Variants in DOK7 observed in about 807,000 individuals in gnomAD.
DOK7 encodes protein Dok-7.
DOK7 carries 32 observed loss-of-function variants against 30.7 expected under a neutral mutation model. The ratio of observed to expected loss-of-function variants is 1.04; its 90% confidence interval spans 0.79 to 1.40. The LOEUF (loss-of-function observed/expected upper bound fraction) is 1.40, where lower values mean the gene tolerates loss of function less well. Among genes scored for constraint, DOK7 ranks in the 40% most tolerant of loss-of-function variants. DOK7 has a pLI of 0.00. For missense variants in DOK7, 1,007 were observed against 699.2 expected (o/e 1.44, Z -4.97); for synonymous variants, 447 against 324.1 (o/e 1.38, Z -4.07).
Position 3,493,414 on chromosome 4 carries a change from A to G in DOK7, c.1428A>G (p.Glu476=). ...LPGPAPGEPW[E]AGGPHAGPPP... is the part of the protein sequence containing the mutation. The stretch of plus-strand genomic sequence containing the variant: ...GCCCTGCCCCTGGCGAGCCCTGGGA[A>G]GCAGGCGGCCCCCACGCGGGGCCAC... Residue 476 remains glutamate (E), a synonymous_variant, in exon 7 of 7, where the codon GAA becomes GAG. Coordinates refer to ENST00000340083, the MANE Select transcript of DOK7 (RefSeq NM_173660.5). 1 of 1,598,976 alleles carries G rather than the reference A, an allele frequency of 6.3e-7. No individual in the cohort carries two copies. Among genetic ancestry groups the G allele is most frequent in the Non-Finnish European group, 8.5e-7 (1 of 1,173,118 alleles).
At chr4:3,495,104 C>G (rs1440980722), downstream of DOK7, among the ~76,000 whole-genome samples, 1 of 152,180 alleles carries the variant, frequency 6.6e-6, no homozygotes, top group Admixed American at 6.5e-5. Context: ...CCTACAAGCC[C>G]CGCCCCTCTC....
intron 3 of DOK7, among the ~76,000 whole-genome samples, chr4:3,475,320 G>C (rs976838200): frequency 6.6e-6 from 1 of 152,280 alleles, no homozygotes; most frequent in African/African-American, 2.4e-5. Context: ...CATCTTGATA[G>C]AACGTGGCCT....
chr4:3,471,254 T>C (rs747885627), intron 2 of DOK7, among the ~76,000 whole-genome samples: 1 of 152,236 alleles, frequency 6.6e-6, no homozygotes, highest in Non-Finnish European at 1.5e-5. Flanking sequence ...TTCCTGCAGA[T>C]GGTCCTTACG....
chr4:3,469,110 GTA>G lies in DOK7; in HGVS notation c.101-4294_101-4293del, dbSNP rs555852827. On this transcript the variant is annotated intron_variant, in intron 2 of 6. Coordinates refer to ENST00000340083, the MANE Select transcript of DOK7 (RefSeq NM_173660.5). ...TGTGTGTGCCTGTGTGTGCGTGCAT[GTA>G]TGTGTGCACACATTGTGTGTGTGCG... 5.5e-4 allele frequency among the ~76,000 whole-genome samples: 79 copies of G among 143,526 alleles called. 2 individuals are homozygous for G. In the East Asian group the frequency reaches 6.0e-3, roughly 11 times the overall value. The allele number at this position is 143,526 out of a possible 152,430, so 94.2% of individuals were successfully genotyped here. A position where few individuals can be genotyped will look rare whatever the true frequency, so the allele number is the denominator to read the frequency against.
chr4:3,499,435 C>A (rs527678271), downstream of DOK7, among the ~76,000 whole-genome samples: 2 of 152,190 alleles, frequency 1.3e-5, no homozygotes, highest in Non-Finnish European at 2.9e-5. Context: ...CACTGGAGAA[C>A]GGGGTCCTTC....
intron 4 of DOK7, among the ~76,000 whole-genome samples, chr4:3,479,721 C>T (rs781485133): frequency 1.3e-5 from 2 of 152,156 alleles, no homozygotes; most frequent in South Asian, 4.1e-4. Context: ...TGGTGGGGGT[C>T]GGGTGGAGAC....
In DOK7 at chr4:3,473,645, C is replaced by CG. The variant is rs1560210244; in HGVS notation, c.331+14dup. The stretch of plus-strand genomic sequence containing the variant: ...CTATGCGCTCGGCGAGGGTGAGTGA[C>CG]GGGGGCCGGGGCCGGGCGGGGGCTC... On this transcript the variant is annotated intron_variant, in intron 3 of 6. Coordinates refer to ENST00000340083, the MANE Select transcript of DOK7 (RefSeq NM_173660.5). 1 of 1,541,634 alleles carries CG rather than the reference C, an allele frequency of 6.5e-7. No homozygotes were observed. The highest frequency in any genetic ancestry group is 1.9e-5 in the Admixed American group (1 of 51,856).
At chr4:3,468,692 G>A (rs1287539067) in intron 2 of DOK7, among the ~76,000 whole-genome samples, 4 of 142,682 alleles carry the variant, frequency 2.8e-5, no homozygotes, top group Non-Finnish European at 6.1e-5. Flanking sequence ...GTGTGTGCAT[G>A]TATGTCTGTG....
chr4:3,483,729 C>A (rs1265745136), intron 4 of DOK7, among the ~76,000 whole-genome samples: 1 of 152,236 alleles, frequency 6.6e-6, no homozygotes, highest in Non-Finnish European at 1.5e-5. Flanking sequence ...GAGAGCCTGG[C>A]CTTTCGTGAG....
At position 3,493,013 on chromosome 4, in the gene DOK7, GGCAGCCACTCCTCTTACTCCA is replaced by G. The variant is rs1728610467; in HGVS notation, c.1034_1054del (p.His345_Ser351del). 1.9e-6 allele frequency: 3 copies of G among 1,566,090 alleles called. No homozygotes were observed. Among genetic ancestry groups the G allele is most frequent in the Non-Finnish European group, 2.6e-6 (3 of 1,160,684 alleles). ...CTCCTCGGACAGCGGCATCGCCACT[GGCAGCCACTCCTCTTACTCCA>G]GCAGCCTCTCGTCCTACGCGGGCAG... On this transcript the variant is annotated inframe_deletion, in exon 7 of 7. Transcript: ENST00000340083.
chr4:3,497,076 C>G (rs1471974337), downstream of DOK7, among the ~76,000 whole-genome samples: 1 of 148,274 alleles, frequency 6.7e-6, no homozygotes, highest in Non-Finnish European at 1.5e-5. Flanking sequence ...ACAGTGGTTG[C>G]TGGGTGGCAG....
At chr4:3,491,086 CCTG>C (rs1279998419) in intron 6 of DOK7, among the ~76,000 whole-genome samples, 1 of 121,174 alleles carries the variant, frequency 8.3e-6, no homozygotes, top group Non-Finnish European at 1.7e-5. Context: ...TCTCCCCACT[CCTG>C]CTCATTAATT....
downstream of DOK7, among the ~76,000 whole-genome samples, chr4:3,494,791 G>A (rs575806466): frequency 6.6e-5 from 10 of 152,214 alleles, no homozygotes; most frequent in East Asian, 1.9e-4. Flanking sequence ...CTCAGGTCCC[G>A]GTGAGGGCGG....
At chr4:3,468,517 T>TGTGTGTGACTGTGCGTGTAC (rs1301098368) in intron 2 of DOK7, among the ~76,000 whole-genome samples, 4 of 106,886 alleles carry the variant, frequency 3.7e-5, no homozygotes, top group Non-Finnish European at 5.9e-5. Context: ...TGTGCGTGTA[T>TGTGTGTGACTGTGCGTGTAC]GAGTGTGTGT....
intron 6 of DOK7, among the ~76,000 whole-genome samples, chr4:3,491,141 C>T (rs1728374718): frequency 9.0e-6 from 1 of 110,544 alleles, no homozygotes; most frequent in Admixed American, 9.8e-5. Flanking sequence ...TCTCCCTTCC[C>T]CCCATTCCTT....
At chr4:3,499,537 C>A (rs1577192997) in intron 6 of DOK7, among the ~76,000 whole-genome samples, 1 of 152,274 alleles carries the variant, frequency 6.6e-6, no homozygotes, top group Non-Finnish European at 1.5e-5. Context: ...GAGCCTGCCT[C>A]AAGTCCCACC....
intron 4 of DOK7, 51 bp from the exon 5 acceptor site, chr4:3,485,488 C>T: frequency 6.1e-6 from 9 of 1,475,796 alleles, no homozygotes; most frequent in Non-Finnish European, 8.2e-6. Flanking sequence ...TCTTCAGGGT[C>T]CCCAGCCCGC....
chr4:3,463,669 C>T lies in DOK7; in HGVS notation c.100+118C>T, dbSNP rs547388261. 113 of 1,335,950 alleles carry T rather than the reference C, an allele frequency of 8.5e-5. No homozygotes were observed. In the African/African-American group the frequency reaches 1.2e-3, roughly 14 times the overall value. 82.8% of individuals were successfully genotyped at this position (1,335,950 alleles called of 1,614,324 possible). ...GCCGCTGTCACCCCGCCGGGAAACC[C>T]GAGAGCCCCGTGCGGACCCGGACCC... is the stretch of plus-strand genomic sequence containing the variant. On this transcript the variant is annotated intron_variant, in intron 2 of 6. Transcript: ENST00000340083.
At chr4:3,476,150 C>CCACCCA (rs1560212017) in intron 3 of DOK7, among the ~76,000 whole-genome samples, 192 bp from the exon 4 acceptor site, 12 of 148,514 alleles carry the variant, frequency 8.1e-5, no homozygotes, top group Non-Finnish European at 1.3e-4. Context: ...CTCGCCCCGC[C>CCACCCA]TGACCGTGAT....
Sources: gnomAD v4.1 joint callset for allele counts (sites outside exome capture counted in the v4.1 genomes callset) on GRCh38, gnomAD v4.1.1 for gene constraint, MANE v1.5 for transcripts, NCBI Gene and HGNC (gene_info 2026-07-23, HGNC 2026-07-21) for gene names.